The following SPAG16 variants were observed in gnomAD, a reference collection of about 807,000 sequenced individuals.
SPAG16 encodes sperm-associated antigen 16 protein.
SPAG16 carries 86 observed loss-of-function variants against 80.4 expected under a neutral mutation model. The observed-to-expected ratio is 1.07, with a 90% CI of 0.90 to 1.28. SPAG16 has a LOEUF of 1.28. Among genes scored for constraint, SPAG16 ranks in the 50% most tolerant of loss-of-function variants. The pLI, the probability that SPAG16 is intolerant of heterozygous loss-of-function variation, is 0.00. For missense variants in SPAG16, 870 were observed against 765.3 expected (o/e 1.14, Z -1.61); for synonymous variants, 294 against 265.9 (o/e 1.11, Z -1.03).
chr2:214,183,745 T>C (rs921868774), intron 15 of SPAG16, among the ~76,000 whole-genome samples: 1 of 152,022 alleles, frequency 6.6e-6, no homozygotes, highest in African/African-American at 2.4e-5. Flanking sequence ...GTCATCTGTG[T>C]AGTCCAAACT....
intron 15 of SPAG16, among the ~76,000 whole-genome samples, chr2:214,222,814 G>T (rs2058612432): frequency 6.6e-6 from 1 of 152,106 alleles, no homozygotes; most frequent in African/African-American, 2.4e-5. Flanking sequence ...TCTATAAAAT[G>T]CTCTCTGGAT....
intron 14 of SPAG16, among the ~76,000 whole-genome samples, chr2:214,136,487 G>T (rs184146882): frequency 6.6e-6 from 1 of 152,252 alleles, no homozygotes; most frequent in African/African-American, 2.4e-5. Flanking sequence ...GCTGTGTTGT[G>T]TACTTTAGCT....
intron 7 of SPAG16, among the ~76,000 whole-genome samples, chr2:213,352,708 T>TA (rs2065400748): frequency 6.6e-6 from 1 of 152,228 alleles, no homozygotes; most frequent in Non-Finnish European, 1.5e-5. Context: ...TGTACAAGAT[T>TA]AAAACATGTT....
intron 10 of SPAG16, among the ~76,000 whole-genome samples, chr2:213,856,851 T>A (rs2075193980): frequency 2.0e-5 from 3 of 152,186 alleles, no homozygotes; most frequent in Non-Finnish European, 4.4e-5. Flanking sequence ...CATAAAAGTA[T>A]GGTGAAGCAA....
intron 15 of SPAG16, among the ~76,000 whole-genome samples, chr2:214,344,369 C>A (rs1242314123): frequency 2.0e-5 from 3 of 152,100 alleles, no homozygotes; most frequent in African/African-American, 7.2e-5. Flanking sequence ...AATCAAAAGA[C>A]TTTTATTTGG....
At chr2:214,056,102 C>T (rs1005339472) in intron 13 of SPAG16, among the ~76,000 whole-genome samples, 2 of 152,028 alleles carry the variant, frequency 1.3e-5, no homozygotes, top group African/African-American at 4.8e-5. Flanking sequence ...CAAGTAAAGA[C>T]AGGAAGCTTT....
intron 10 of SPAG16, among the ~76,000 whole-genome samples, chr2:213,553,124 T>G (rs1264275495): frequency 6.6e-6 from 1 of 152,148 alleles, no homozygotes; most frequent in East Asian, 1.9e-4. Context: ...AAACTCCCCT[T>G]CATATATACA....
At chr2:214,174,397 T>C (rs2056995645) in intron 15 of SPAG16, among the ~76,000 whole-genome samples, 1 of 151,884 alleles carries the variant, frequency 6.6e-6, no homozygotes. Context: ...GGATACAAAA[T>C]CAATGTACAA....
intron 9 of SPAG16, among the ~76,000 whole-genome samples, chr2:213,425,536 C>T (rs769973754): frequency 6.3e-4 from 95 of 151,418 alleles, no homozygotes; most frequent in Admixed American, 1.3e-3. Context: ...CCTGTAATCC[C>T]AGCTACTCAA....
At chr2:214,277,900 G>A (rs1209940318) in intron 15 of SPAG16, among the ~76,000 whole-genome samples, 1 of 152,180 alleles carries the variant, frequency 6.6e-6, no homozygotes, top group Non-Finnish European at 1.5e-5. Context: ...GTTCAACTAT[G>A]CCCTGCCCCT....
intron 13 of SPAG16, among the ~76,000 whole-genome samples, chr2:214,080,625 A>G (rs2051335918): frequency 6.6e-6 from 1 of 150,778 alleles, no homozygotes; most frequent in Admixed American, 6.6e-5. Context: ...AAAAAAAATT[A>G]AAATAAAATA....
chr2:213,289,950 C>G (rs908733856), intron 1 of SPAG16, among the ~76,000 whole-genome samples: 2 of 152,220 alleles, frequency 1.3e-5, no homozygotes, highest in African/African-American at 4.8e-5. Flanking sequence ...GTTTCTGGCT[C>G]TGGTCCATTT....
At chr2:213,579,833 C>T (rs1344550525) in intron 10 of SPAG16, among the ~76,000 whole-genome samples, 1 of 152,108 alleles carries the variant, frequency 6.6e-6, no homozygotes, top group Admixed American at 6.6e-5. Flanking sequence ...AATTTTGTAT[C>T]ATGATCTAAT....
chr2:213,923,766 G>A (rs1404050907), intron 11 of SPAG16: 3 of 152,378 alleles, frequency 2.0e-5, no homozygotes, highest in African/African-American at 7.2e-5. Context: ...GTCACATGGT[G>A]CTGTGCTCTC....
At chr2:214,391,041 A>G (rs1175700356) in intron 15 of SPAG16, among the ~76,000 whole-genome samples, 2 of 152,060 alleles carry the variant, frequency 1.3e-5, no homozygotes, top group African/African-American at 4.8e-5. Context: ...AGGACAGTGG[A>G]GGACACTATT....
chr2:213,383,331 G>A (rs2067272006), intron 9 of SPAG16, among the ~76,000 whole-genome samples: 1 of 152,060 alleles, frequency 6.6e-6, no homozygotes, highest in Non-Finnish European at 1.5e-5. Context: ...AGAGTATTTA[G>A]TATCTTGCTG....
intron 13 of SPAG16, among the ~76,000 whole-genome samples, chr2:214,034,948 TG>T (rs2048611379): frequency 6.6e-6 from 1 of 152,174 alleles, no homozygotes; most frequent in African/African-American, 2.4e-5. Context: ...CCAGGAAGAA[TG>T]AGGTATGTGG....
At position 213,445,459 on chromosome 2, in the gene SPAG16, C is replaced by T. The variant is rs562081548; in HGVS notation, c.943-44504C>T. Among the ~76,000 whole-genome samples the T allele has an allele frequency of 3.0e-3, 453 of 152,156 alleles. 3 individuals are homozygous for T. Among genetic ancestry groups the T allele is most frequent in the African/African-American group, 9.3e-3 (388 of 41,530 alleles). ...AGTGGATCACCTGAGGTCAGGAGAT[C>T]GAGACCAGCCTGGCCAACATGGTGA... is the stretch of plus-strand genomic sequence containing the variant. On this transcript the variant is annotated intron_variant, in intron 9 of 15. Coordinates refer to ENST00000331683, the MANE Select transcript of SPAG16 (RefSeq NM_024532.5).
intron 10 of SPAG16, among the ~76,000 whole-genome samples, chr2:213,640,726 A>G (rs1320937962): frequency 2.6e-5 from 4 of 152,184 alleles, no homozygotes; most frequent in African/African-American, 9.7e-5. Context: ...AATGCTGGGT[A>G]TGCTAGCAGT....
Sources: allele counts gnomAD v4.1 joint callset (sites outside exome capture counted in the v4.1 genomes callset), GRCh38; gene constraint gnomAD v4.1.1; transcripts MANE v1.5; gene names NCBI Gene and HGNC (gene_info 2026-07-23, HGNC 2026-07-21).